The following TANGO6 variants were observed in gnomAD, a reference collection of about 807,000 sequenced individuals.
TANGO6 encodes transport and golgi organization 6 homolog.
TANGO6 carries 90 observed loss-of-function variants against 114.2 expected under a neutral mutation model. That is an observed-to-expected ratio of 0.79 (90% CI 0.66 to 0.94). The LOEUF (loss-of-function observed/expected upper bound fraction) is 0.94. TANGO6 is among the 40% of genes least tolerant of loss of function. The probability of loss-of-function intolerance (pLI) is 0.00; values close to 1 mark genes in which losing one functional copy is unlikely to be tolerated. For synonymous variants in TANGO6, 477 were observed against 509.8 expected, an observed-to-expected ratio of 0.94 and a Z score of 0.87; for missense variants, 1,274 against 1,315.3, an observed-to-expected ratio of 0.97 and a Z score of 0.49.
chr16:68,853,073 T>G (rs1961931731), intron 1 of TANGO6, among the ~76,000 whole-genome samples: 1 of 152,190 alleles, frequency 6.6e-6, no homozygotes, highest in South Asian at 2.1e-4. Flanking sequence ...TAATATTTAT[T>G]TGGGTTTTTT....
chr16:68,865,870 A>G (rs1214380135), intron 3 of TANGO6, among the ~76,000 whole-genome samples: 8 of 151,956 alleles, frequency 5.3e-5, no homozygotes, highest in Admixed American at 5.2e-4. Flanking sequence ...GCGAGCCGAG[A>G]TCGTGCCACT....
intron 14 of TANGO6, among the ~76,000 whole-genome samples, chr16:68,948,895 A>C (rs1192750376): frequency 6.6e-6 from 1 of 152,202 alleles, no homozygotes; most frequent in East Asian, 1.9e-4. Context: ...TTCAGAAATC[A>C]ATCCTGGGTG....
In TANGO6 at chr16:68,912,897, A is replaced by G. The variant is rs559966567; in HGVS notation, c.1992+3495A>G. On this transcript the variant is annotated intron_variant, in intron 11 of 17. Transcript: ENST00000261778. Reference sequence around the variant, plus strand: ...TCGAGACCAGCCTGATCAACATAGCAAGACCCCATCTCTCAAAAAAAAAAA... The same window carrying G: ...TCGAGACCAGCCTGATCAACATAGCGAGACCCCATCTCTCAAAAAAAAAAA... 6.1e-5 allele frequency among the ~76,000 whole-genome samples: 9 copies of G among 148,624 alleles called. No homozygotes were observed. In the South Asian group the frequency reaches 2.0e-3, roughly 32 times the overall value.
chr16:68,905,814 A>C (rs1387434031), intron 9 of TANGO6, among the ~76,000 whole-genome samples: 1 of 152,122 alleles, frequency 6.6e-6, no homozygotes, highest in Non-Finnish European at 1.5e-5. Flanking sequence ...TTGAGGCTGC[A>C]GTGAGCCACG....
Position 68,930,227 on chromosome 16 carries a change from T to A in TANGO6, c.2644-11T>A. 6.4e-7 allele frequency: 1 copy of A among 1,551,880 alleles called. No homozygotes were observed. Among genetic ancestry groups the A allele is most frequent in the Non-Finnish European group, 8.7e-7 (1 of 1,146,612 alleles). On this transcript the variant is annotated splice_polypyrimidine_tract_variant and intron_variant, in intron 13 of 17. Transcript: ENST00000261778. The stretch of plus-strand genomic sequence containing the variant: ...TGTAAATCTTATCACTGCTGTATTT[T>A]GTGGTTCCAGATATTCTTGGAAAAC...
At chr16:69,076,273 G>C (rs1960377688) in intron 17 of TANGO6, among the ~76,000 whole-genome samples, 2 of 150,980 alleles carry the variant, frequency 1.3e-5, no homozygotes, top group Non-Finnish European at 2.9e-5. Flanking sequence ...TGTATTTTTA[G>C]TAGAGACGGG....
At chr16:68,908,440 C>T (rs1036152447) in intron 10 of TANGO6, among the ~76,000 whole-genome samples, 3 of 152,014 alleles carry the variant, frequency 2.0e-5, no homozygotes, top group Non-Finnish European at 2.9e-5. Flanking sequence ...TTTGGGAGGC[C>T]GAGCCAGGTG....
At chr16:68,866,515 C>T (rs528770513) in intron 3 of TANGO6, among the ~76,000 whole-genome samples, 11 of 149,062 alleles carry the variant, frequency 7.4e-5, no homozygotes, top group East Asian at 2.0e-4. Flanking sequence ...CCCAGCTACT[C>T]GGGAGGCTGA....
At chr16:68,978,027 A>G (rs1028518495) in intron 15 of TANGO6, among the ~76,000 whole-genome samples, 12 of 152,272 alleles carry the variant, frequency 7.9e-5, no homozygotes, top group African/African-American at 2.4e-4. Context: ...AAGAAGAAAG[A>G]TGAACTTTCT....
chr16:68,859,762 C>T (rs1207785306), intron 1 of TANGO6, 122 bp from the exon 2 acceptor site: 1 of 1,179,548 alleles, frequency 8.5e-7, no homozygotes, highest in East Asian at 2.6e-5. Flanking sequence ...GGAGGCTTTC[C>T]AGAGCCAGTG....
At chr16:68,862,836 C>T in intron 2 of TANGO6, 109 bp from the exon 3 acceptor site, 1 of 755,862 alleles carries the variant, frequency 1.3e-6, no homozygotes, top group Middle Eastern at 3.5e-4. Flanking sequence ...AGGATAGAAG[C>T]CTTCTTTCCG....
Position 68,967,356 on chromosome 16 carries a change from T to G in TANGO6, c.2702-6672T>G, listed in dbSNP as rs376160303. On this transcript the variant is annotated intron_variant, in intron 14 of 17. Transcript: ENST00000261778. ...CACACTCCTGGGAGTATCCGTTGCC[T>G]CCAATGATCTGACAGAAGGCAGAGC... 4.6e-5 allele frequency among the ~76,000 whole-genome samples: 7 copies of G among 152,228 alleles called. No individual in the cohort carries two copies. The East Asian group carries it at 9.7e-4, about 21-fold the overall frequency.
At chr16:68,866,341 C>T (rs1054573351) in intron 3 of TANGO6, among the ~76,000 whole-genome samples, 1 of 151,704 alleles carries the variant, frequency 6.6e-6, no homozygotes, top group Admixed American at 6.6e-5. Context: ...AAAATAATGT[C>T]GGCCGGGCGC....
chr16:69,069,499 G>A (rs961839670), intron 17 of TANGO6, among the ~76,000 whole-genome samples: 2 of 152,058 alleles, frequency 1.3e-5, no homozygotes, highest in South Asian at 2.1e-4. Context: ...AGAACTAGTC[G>A]GATTCTGGAG....
chr16:68,880,457 C>T (rs1047638656), intron 6 of TANGO6, 91 bp from the exon 7 acceptor site: 4 of 806,522 alleles, frequency 5.0e-6, no homozygotes, highest in Non-Finnish European at 7.8e-6. Context: ...CTTACTGAGC[C>T]ATCTTTCTAG....
At chr16:69,043,524 T>C (rs1283601989) in intron 17 of TANGO6, among the ~76,000 whole-genome samples, 3 of 152,166 alleles carry the variant, frequency 2.0e-5, no homozygotes, top group Non-Finnish European at 1.5e-5. Context: ...CTGTCTCTAG[T>C]CTGCACTCAC....
intron 9 of TANGO6, among the ~76,000 whole-genome samples, chr16:68,906,659 C>T (rs1457497518): frequency 6.6e-6 from 1 of 151,794 alleles, no homozygotes; most frequent in East Asian, 1.9e-4. Flanking sequence ...CCATAATGTA[C>T]TACAACCTCA....
At chr16:69,068,132 C>T (rs1960246541) in intron 17 of TANGO6, among the ~76,000 whole-genome samples, 1 of 151,430 alleles carries the variant, frequency 6.6e-6, no homozygotes, top group Non-Finnish European at 1.5e-5. Context: ...CAGAGCAAGA[C>T]TCTTGTCTTG....
chr16:68,973,385 T>G (rs1328952339), intron 14 of TANGO6, among the ~76,000 whole-genome samples: 1 of 152,166 alleles, frequency 6.6e-6, no homozygotes, highest in African/African-American at 2.4e-5. Flanking sequence ...TGGTAGAATT[T>G]GTAGTTATAT....
Sources: gnomAD v4.1 joint callset for allele counts (sites outside exome capture counted in the v4.1 genomes callset) on GRCh38, gnomAD v4.1.1 for gene constraint, MANE v1.5 for transcripts, NCBI Gene and HGNC (gene_info 2026-07-23, HGNC 2026-07-21) for gene names.